Variants in SHANK2 observed in about 807,000 individuals in gnomAD.
The protein encoded by SHANK2 is SH3 and multiple ankyrin repeat domains 2, also known as SH3 and multiple ankyrin repeat domains protein 2.
Under a neutral mutation model 133.7 loss-of-function variants are expected in SHANK2, and 43 were observed. The ratio of observed to expected loss-of-function variants is 0.32; its 90% CI spans 0.25 to 0.41. The LOEUF is 0.41. SHANK2 is among the 10% of genes least tolerant of loss of function. The pLI, the probability that SHANK2 is intolerant of heterozygous loss-of-function variation, is 1.00. For missense variants in SHANK2, 1,994 were observed against 2,235.8 expected (o/e 0.89, Z 2.18); for synonymous variants, 1,017 against 952.8 (o/e 1.07, Z -1.24).
At chr11:71,214,063 G>A (rs1954347283) in intron 2 of SHANK2, among the ~76,000 whole-genome samples, 1 of 152,066 alleles carries the variant, frequency 6.6e-6, no homozygotes, top group East Asian at 1.9e-4. Flanking sequence ...CCCCAGGCCT[G>A]CTGCAGTGAC....
intron 11 of SHANK2, among the ~76,000 whole-genome samples, chr11:70,886,444 G>A (rs1555073523): frequency 6.6e-6 from 1 of 152,184 alleles, no homozygotes; most frequent in Admixed American, 6.5e-5. Flanking sequence ...TGAAATAGGT[G>A]AGGATTTGGG....
intron 17 of SHANK2, among the ~76,000 whole-genome samples, chr11:70,649,187 C>T (rs1359341547): frequency 6.6e-6 from 1 of 152,196 alleles, no homozygotes; most frequent in Non-Finnish European, 1.5e-5. Flanking sequence ...GAAGGAGGTG[C>T]ACATGCCCAG....
intron 14 of SHANK2, among the ~76,000 whole-genome samples, chr11:70,709,471 C>T (rs1411787497): frequency 6.6e-6 from 1 of 152,164 alleles, no homozygotes; most frequent in African/African-American, 2.4e-5. Flanking sequence ...TCAGGTCTGA[C>T]CTGGCTGAGG....
At chr11:71,210,226 ATATATATATATATATATATATATATATT>A (rs1237331800) in intron 2 of SHANK2, among the ~76,000 whole-genome samples, 903 of 69,134 alleles carry the variant, frequency 0.013, 48 homozygotes, top group African/African-American at 0.045. Context: ...ATATATATAT[ATATATATATATATATATATATATATATT>A]TATTTATTTT....
chr11:70,865,967 G>C (rs1949351017), intron 11 of SHANK2, among the ~76,000 whole-genome samples: 1 of 152,110 alleles, frequency 6.6e-6, no homozygotes, highest in African/African-American at 2.4e-5. Flanking sequence ...CCCACCCTCG[G>C]GCACTGCTCC....
chr11:70,822,275 TCTGA>T (rs1237610475), intron 11 of SHANK2, among the ~76,000 whole-genome samples: 1 of 152,228 alleles, frequency 6.6e-6, no homozygotes, highest in Non-Finnish European at 1.5e-5. Flanking sequence ...AGGGCTACCA[TCTGA>T]CAAACTGCAA....
At chr11:71,223,627 T>C (rs919010754) in intron 2 of SHANK2, among the ~76,000 whole-genome samples, 2 of 152,218 alleles carry the variant, frequency 1.3e-5, no homozygotes, top group Non-Finnish European at 2.9e-5. Flanking sequence ...TTTGTATTCA[T>C]GGGAGGTCCA....
At chr11:71,203,233 C>A (rs185443132) in intron 2 of SHANK2, among the ~76,000 whole-genome samples, 1 of 152,290 alleles carries the variant, frequency 6.6e-6, no homozygotes, top group Admixed American at 6.5e-5. Context: ...GGCAGCGAAC[C>A]TTTGCCAAGA....
chr11:70,642,803 G>C (rs575744648), intron 17 of SHANK2, among the ~76,000 whole-genome samples: 112 of 152,298 alleles, frequency 7.4e-4, no homozygotes, highest in African/African-American at 2.6e-3. Context: ...TCAGGCTTGA[G>C]AGCCATAATT....
intron 14 of SHANK2, among the ~76,000 whole-genome samples, chr11:70,798,172 C>T (rs1947959901): frequency 6.6e-6 from 1 of 152,188 alleles, no homozygotes; most frequent in African/African-American, 2.4e-5. Context: ...TCTCTGATGG[C>T]TAGAACATAC....
In SHANK2 at chr11:71,083,926, T is replaced by C. The variant is rs975409155; in HGVS notation, c.912+8496A>G. Among the ~76,000 whole-genome samples the C allele has an allele frequency of 3.3e-5, 5 of 152,044 alleles. No individual in the cohort carries two copies. In the East Asian group the frequency reaches 9.7e-4, roughly 30 times the overall value. On this transcript the variant is annotated intron_variant, in intron 8 of 25. Transcript: ENST00000601538. ...GATTTCCATGATGCATGGGTAATTT[T>C]TTGGTAATCAAAAACAAAACAAAAC...
intron 14 of SHANK2, among the ~76,000 whole-genome samples, chr11:70,744,243 T>G (rs1946592300): frequency 6.6e-6 from 1 of 152,284 alleles, no homozygotes; most frequent in East Asian, 1.9e-4. Flanking sequence ...GTCTCTGGCC[T>G]CCCCCAGGAA....
At chr11:70,533,200 A>G (rs2059499866) in intron 17 of SHANK2, among the ~76,000 whole-genome samples, 1 of 152,186 alleles carries the variant, frequency 6.6e-6, no homozygotes, top group Admixed American at 6.5e-5. Context: ...TGTGTCGAAT[A>G]TCACTGTACA....
intron 2 of SHANK2, among the ~76,000 whole-genome samples, chr11:71,212,049 G>A (rs979794239): frequency 2.4e-4 from 36 of 152,232 alleles, no homozygotes; most frequent in African/African-American, 7.9e-4. Context: ...TGCAAACACC[G>A]TGTCGCATGA....
At chr11:70,773,560 G>A (rs1049073120) in intron 14 of SHANK2, among the ~76,000 whole-genome samples, 1 of 152,334 alleles carries the variant, frequency 6.6e-6, no homozygotes, top group African/African-American at 2.4e-5. Flanking sequence ...GACTATGAAC[G>A]TGGGATAGAC....
At chr11:70,599,925 A>AAGAAAGAAAGAT (rs2060466012) in intron 17 of SHANK2, among the ~76,000 whole-genome samples, 2 of 113,986 alleles carry the variant, frequency 1.8e-5, no homozygotes, top group African/African-American at 9.8e-5. Flanking sequence ...GAAAGAAAGA[A>AAGAAAGAAAGAT]AGAAAGAAAG....
chr11:71,114,263 A>C (rs1951939417), intron 4 of SHANK2, among the ~76,000 whole-genome samples: 1 of 152,042 alleles, frequency 6.6e-6, no homozygotes, highest in Non-Finnish European at 1.5e-5. Flanking sequence ...CTGGCACTAG[A>C]CAAGTCCACT....
chr11:70,774,292 G>C (rs1230933212), intron 14 of SHANK2, among the ~76,000 whole-genome samples: 4 of 151,896 alleles, frequency 2.6e-5, no homozygotes, highest in African/African-American at 9.7e-5. Flanking sequence ...GGTTGCCAGG[G>C]CTCCGGTAAA....
intron 10 of SHANK2, among the ~76,000 whole-genome samples, chr11:70,917,771 G>A (rs1343680181): frequency 6.6e-6 from 1 of 152,146 alleles, no homozygotes; most frequent in Non-Finnish European, 1.5e-5. Flanking sequence ...ACCAAATACA[G>A]CATGTTCTCA....
Sources: allele counts gnomAD v4.1 joint callset (sites outside exome capture counted in the v4.1 genomes callset), GRCh38; gene constraint gnomAD v4.1.1; transcripts MANE v1.5; gene names NCBI Gene and HGNC (gene_info 2026-07-23, HGNC 2026-07-21).